Variants in TMEM223 observed in about 807,000 individuals in gnomAD.
The protein encoded by TMEM223 is transmembrane protein 223.
A neutral mutation model predicts 14.1 loss-of-function variants in TMEM223; 14 were observed. That is an observed-to-expected ratio of 0.99 (90% CI 0.66 to 1.55). The LOEUF (loss-of-function observed/expected upper bound fraction) is 1.55, where lower values mean the gene tolerates loss of function less well. TMEM223 is among the 40% of genes most tolerant of loss of function. The probability of loss-of-function intolerance (pLI) is 0.00; values close to 1 mark genes in which losing one functional copy is unlikely to be tolerated. For missense variants in TMEM223, 346 were observed against 269.9 expected, an observed-to-expected ratio of 1.28 and a Z score of -1.97; for synonymous variants, 145 against 120.5, an observed-to-expected ratio of 1.20 and a Z score of -1.33.
Position 62,790,208 on chromosome 11 carries a change from G to A in TMEM223, c.*415C>T. ...CCCCCCTCCACCTCTTCCTGCAGCTGTTTTTGTACCAAAATATTATATTAC... is the reference window on the plus strand; with the variant it reads ...CCCCCCTCCACCTCTTCCTGCAGCTATTTTTGTACCAAAATATTATATTAC... On this transcript the variant is annotated 3_prime_UTR_variant, in exon 2 of 2. Coordinates refer to ENST00000307366, the MANE Select transcript of TMEM223 (RefSeq NM_001080501.3). The A allele has an allele frequency of 1.3e-6, 1 of 770,034 alleles. No homozygotes were observed. 47.7% of individuals were successfully genotyped at this position (770,034 alleles called of 1,614,324 possible). A position where few individuals can be genotyped will look rare whatever the true frequency, so the allele number is the denominator to read the frequency against.
downstream of TMEM223, chr11:62,786,275 C>A: frequency 6.2e-7 from 1 of 1,613,758 alleles, no homozygotes; most frequent in Non-Finnish European, 8.5e-7. Context: ...AGAACGAGTC[C>A]TGTACCCACA....
rs759882946 is a variant in TMEM223, at chr11:62,790,633, C to T, written c.599G>A (p.Arg200Gln). 8.7e-6 allele frequency: 14 copies of T among 1,607,540 alleles called. 1 individual carries two copies. The highest frequency in any genetic ancestry group is 6.6e-5 in the South Asian group (6 of 90,412). ...KLFDNTVGAY[R>Q]SL Reference sequence around the variant, plus strand: ...CTTGAGGTCATTTCTTCACAAGCTCCGGTAGGCACCCACAGTATTGTCAAA... The same window carrying T: ...CTTGAGGTCATTTCTTCACAAGCTCTGGTAGGCACCCACAGTATTGTCAAA... The change falls in exon 2 of 2, where the codon CGG becomes CAG. Residue 200 changes from arginine to glutamine, a missense_variant. Arg to Gln is a conservative substitution (Grantham distance 43). Transcript: ENST00000307366.
chr11:62,783,967 T>C (rs1367646971), downstream of TMEM223, among the ~76,000 whole-genome samples: 1 of 44,550 alleles, frequency 2.2e-5, no homozygotes, highest in Admixed American at 2.7e-4. Context: ...TTTTTTGAGA[T>C]GGAATCTTGC....
At chr11:62,789,083 G>A (rs769768771), downstream of TMEM223, 10 of 1,614,180 alleles carry the variant, frequency 6.2e-6, no homozygotes, top group Non-Finnish European at 7.6e-6. Flanking sequence ...CTCCTCCCTG[G>A]CCTTATCCCG....
chr11:62,786,706 G>A, downstream of TMEM223: 1 of 1,612,706 alleles, frequency 6.2e-7, no homozygotes, highest in African/African-American at 1.3e-5. Flanking sequence ...AGGGGGCGCG[G>A]GGCCGGAGGA....
downstream of TMEM223, chr11:62,786,982 T>G: frequency 1.4e-6 from 2 of 1,455,780 alleles, no homozygotes; most frequent in South Asian, 1.4e-5. Flanking sequence ...GCCCGCCGCC[T>G]CTGAGAGCAG....
chr11:62,790,126 T>C lies in TMEM223; in HGVS notation c.*497A>G. On this transcript the variant is annotated 3_prime_UTR_variant, in exon 2 of 2. Coordinates refer to ENST00000307366, the MANE Select transcript of TMEM223 (RefSeq NM_001080501.3). ...ATCCCCCCCCTCAAGGCCCTGTTTA[T>C]GTTGGGAGTCTTAGTTTTCCTTTCG... The C allele has an allele frequency of 1.4e-6, 2 of 1,443,518 alleles. No homozygotes were observed. Among genetic ancestry groups the C allele is most frequent in the South Asian group, 1.5e-5 (1 of 68,712 alleles). The allele number at this position is 1,443,518 out of a possible 1,614,324, so 89.4% of individuals were successfully genotyped here. A position where few individuals can be genotyped will look rare whatever the true frequency, so the allele number is the denominator to read the frequency against.
At chr11:62,785,295 G>A (rs900014554), downstream of TMEM223, among the ~76,000 whole-genome samples, 1 of 151,764 alleles carries the variant, frequency 6.6e-6, no homozygotes, top group Admixed American at 6.6e-5. Context: ...GGGTTCAAGC[G>A]ATTCTCCTGC....
chr11:62,780,322 C>G (rs555697996), intron 1 of TMEM223, among the ~76,000 whole-genome samples: 1 of 151,430 alleles, frequency 6.6e-6, no homozygotes, highest in South Asian at 2.1e-4. Flanking sequence ...ACCAGCCTGG[C>G]TAACATGGTG....
At chr11:62,772,259 C>G in intron 2 of TMEM223, 2 of 394,862 alleles carry the variant, frequency 5.1e-6, no homozygotes, top group Admixed American at 5.7e-5. Flanking sequence ...CGGTGGCTCA[C>G]GCCTGTAATC....
chr11:62,778,989 C>A, intron 1 of TMEM223: 3 of 1,507,446 alleles, frequency 2.0e-6, no homozygotes, highest in Non-Finnish European at 2.8e-6. Flanking sequence ...CAAGTTGGGG[C>A]ACAAAGTTGA....
intron 1 of TMEM223, chr11:62,776,249 G>A (rs2084187358): frequency 1.2e-6 from 1 of 865,290 alleles, no homozygotes; most frequent in South Asian, 1.6e-5. Context: ...CAGGAGCAGA[G>A]ACGGAATCTA....
In TMEM223 at chr11:62,775,778, G is replaced by T. The variant is rs372861774; in HGVS notation, c.315-1113C>A. The T allele has an allele frequency of 2.6e-5, 41 of 1,604,616 alleles. No homozygotes were observed. The Admixed American group carries it at 3.7e-4, about 14-fold the overall frequency. On this transcript the variant is annotated intron_variant, in intron 1 of 2. Transcript: ENST00000528367. Reference sequence around the variant, plus strand: ...TTCATTCTCCACTCCCAGCTCCACTGGGGCCATGTCAGAGCGAGAAGAGCG... The same window carrying T: ...TTCATTCTCCACTCCCAGCTCCACTTGGGCCATGTCAGAGCGAGAAGAGCG...
At chr11:62,773,571 G>C (rs1487719729) in intron 2 of TMEM223, among the ~76,000 whole-genome samples, 1 of 151,216 alleles carries the variant, frequency 6.6e-6, no homozygotes, top group Non-Finnish European at 1.5e-5. Context: ...CCTCAGCCTT[G>C]CGAGTAGCTG....
At chr11:62,771,456 C>G (rs1293134146), downstream of TMEM223, 1 of 157,562 alleles carries the variant, frequency 6.3e-6, no homozygotes, top group Non-Finnish European at 1.4e-5. Flanking sequence ...CCGCCGTCGT[C>G]TCGGTAGCAG....
At chr11:62,782,849 A>T, downstream of TMEM223, 3 of 1,612,880 alleles carry the variant, frequency 1.9e-6, no homozygotes, top group Non-Finnish European at 1.7e-6. Flanking sequence ...CCTTTCTCAC[A>T]CAGCCGTAAG....
chr11:62,771,935 G>A (rs1286173142), exon 3 of TMEM223: 3 of 357,496 alleles, frequency 8.4e-6, no homozygotes, highest in Non-Finnish European at 1.1e-5. Flanking sequence ...TCACCAAGGG[G>A]TGGGTCTCCA....
At chr11:62,786,473 G>A (rs757938663), downstream of TMEM223, 1 of 1,584,794 alleles carries the variant, frequency 6.3e-7, no homozygotes, top group Non-Finnish European at 8.6e-7. Context: ...GATGGGCCCA[G>A]GTTCCTCGAA....
At position 62,776,052 on chromosome 11, in the gene TMEM223, C is replaced by T. The variant is rs571582624; in HGVS notation, c.315-1387G>A. ...GCCTGCTCCATACAACAGAGACAGT[C>T]CATGCCTTTACAGAACTCTACTTGT... On this transcript the variant is annotated intron_variant, in intron 1 of 2. Coordinates refer to the TMEM223 transcript ENST00000528367. 8 of 1,278,434 alleles carry T rather than the reference C, an allele frequency of 6.3e-6. No individual in the cohort carries two copies. The East Asian group carries it at 2.0e-4, about 33-fold the overall frequency. 79.2% of individuals were successfully genotyped at this position (1,278,434 alleles called of 1,614,324 possible).
Sources: allele counts gnomAD v4.1 joint callset (sites outside exome capture counted in the v4.1 genomes callset), GRCh38; gene constraint gnomAD v4.1.1; transcripts MANE v1.5; gene names NCBI Gene and HGNC (gene_info 2026-07-23, HGNC 2026-07-21).